Variants in GLT1D1 observed in about 807,000 individuals in gnomAD.
The protein encoded by GLT1D1 is glycosyltransferase 1 domain-containing protein 1.
A neutral mutation model predicts 28.7 loss-of-function variants in GLT1D1; 21 were observed. The observed-to-expected ratio is 0.73, with a 90% confidence interval of 0.52 to 1.05. The LOEUF (loss-of-function observed/expected upper bound fraction) is 1.05. Among genes scored for constraint, GLT1D1 ranks in the 50% least tolerant of loss-of-function variants. GLT1D1 has a pLI of 0.00. For missense variants in GLT1D1, 343 were observed against 330.6 expected (o/e 1.04, Z -0.29); for synonymous variants, 147 against 124.8 (o/e 1.18, Z -1.19).
In GLT1D1 at chr12:128,940,355, G is replaced by A. The variant is rs28449380; in HGVS notation, c.376-4971G>A. Among the ~76,000 whole-genome samples the A allele has an allele frequency of 6.5e-3, 988 of 152,256 alleles. 11 individuals carry two copies. The highest frequency in any genetic ancestry group is 0.023 in the African/African-American group (938 of 41,550). On this transcript the variant is annotated intron_variant, in intron 4 of 7. Coordinates refer to ENST00000281703, the MANE Select transcript of GLT1D1 (RefSeq NM_144669.3). ...GGCTGAATGTGAATACAGGCTCAGC[G>A]CTTCATGTCTTCTCAGTCATTTACT...
At chr12:128,871,757 T>C (rs538666858) in intron 1 of GLT1D1, among the ~76,000 whole-genome samples, 198 of 152,290 alleles carry the variant, frequency 1.3e-3, no homozygotes, top group Non-Finnish European at 2.0e-3. Context: ...GTTTTACTCA[T>C]GATTTTGTGC....
intron 4 of GLT1D1, among the ~76,000 whole-genome samples, chr12:128,904,623 C>CTTTTTTTTTT (rs59189244): frequency 1.4e-5 from 2 of 139,286 alleles, no homozygotes; most frequent in Non-Finnish European, 3.0e-5. Context: ...TGAAAACAGT[C>CTTTTTTTTTT]TTTTTTTTTT....
chr12:128,952,484 T>TTTTTTTG (rs1876805774), intron 6 of GLT1D1, among the ~76,000 whole-genome samples: 1 of 150,338 alleles, frequency 6.7e-6, no homozygotes. Context: ...TTTTTTTTTT[T>TTTTTTTG]GAGATGAAGT....
At chr12:128,954,463 A>G (rs1877069655) in intron 6 of GLT1D1, among the ~76,000 whole-genome samples, 1 of 152,020 alleles carries the variant, frequency 6.6e-6, no homozygotes, top group Admixed American at 6.6e-5. Context: ...AATTTGCTTT[A>G]TCTCGAGGTC....
chr12:128,945,968 T>C (rs976664015), intron 5 of GLT1D1, among the ~76,000 whole-genome samples: 1 of 152,172 alleles, frequency 6.6e-6, no homozygotes, highest in African/African-American at 2.4e-5. Flanking sequence ...TGGGTCTTAT[T>C]TGGGTCAGCC....
intron 2 of GLT1D1, among the ~76,000 whole-genome samples, chr12:128,887,507 AC>A (rs1868537831): frequency 2.6e-5 from 4 of 151,302 alleles, no homozygotes; most frequent in African/African-American, 9.7e-5. Flanking sequence ...ACACACACAC[AC>A]ACACACACAC....
intron 1 of GLT1D1, among the ~76,000 whole-genome samples, chr12:128,861,937 C>T (rs1182902879): frequency 6.6e-6 from 1 of 152,194 alleles, no homozygotes; most frequent in Admixed American, 6.5e-5. Context: ...AGTGTGAATG[C>T]AGATGAAGTT....
At chr12:128,854,529 G>C (rs1956163603) in intron 1 of GLT1D1, among the ~76,000 whole-genome samples, 1 of 151,220 alleles carries the variant, frequency 6.6e-6, no homozygotes. Context: ...ATGGAGTCTC[G>C]CTGTGTCACC....
intron 4 of GLT1D1, among the ~76,000 whole-genome samples, chr12:128,940,889 C>T (rs2135479117): frequency 6.6e-6 from 1 of 152,288 alleles, no homozygotes; most frequent in Non-Finnish European, 1.5e-5. Context: ...ACCATCACAC[C>T]TATCTCATTC....
chr12:128,867,333 G>C (rs1956559840), intron 1 of GLT1D1, among the ~76,000 whole-genome samples: 1 of 144,784 alleles, frequency 6.9e-6, no homozygotes, highest in African/African-American at 2.6e-5. Flanking sequence ...GGAGGCAGAG[G>C]TTGCAGTGAG....
rs142380093 is a variant in GLT1D1 at position 128,912,186 on chromosome 12, T to G, written c.375+12899T>G. Among the ~76,000 whole-genome samples, 627 of 152,288 alleles carry G rather than the reference T, an allele frequency of 4.1e-3. 3 individuals carry two copies. Among genetic ancestry groups the G allele is most frequent in the African/African-American group, 0.014 (592 of 41,566 alleles). On this transcript the variant is annotated intron_variant, in intron 4 of 7. Coordinates refer to ENST00000281703, the MANE Select transcript of GLT1D1 (RefSeq NM_144669.3). ...CATTAGGCCTCATTTAAGAGACTTT[T>G]TGTGTGTGTGCTTCTTACCTTATAG...
At chr12:128,872,529 G>A (rs1427430310) in intron 1 of GLT1D1, among the ~76,000 whole-genome samples, 1 of 152,142 alleles carries the variant, frequency 6.6e-6, no homozygotes, top group Non-Finnish European at 1.5e-5. Flanking sequence ...GTGGGAGGGT[G>A]GTTGGAGTGG....
chr12:128,924,350 C>T (rs1025280355), intron 4 of GLT1D1, among the ~76,000 whole-genome samples: 1 of 149,646 alleles, frequency 6.7e-6, no homozygotes, highest in African/African-American at 2.5e-5. Context: ...TTGCTTGAAC[C>T]GGGGAGGTGG....
chr12:128,947,401 T>C lies in GLT1D1; in HGVS notation c.483T>C (p.Asn161=). 1.2e-6 allele frequency: 2 copies of C among 1,614,122 alleles called. No homozygotes were observed. Among genetic ancestry groups the C allele is most frequent in the Non-Finnish European group, 1.7e-6 (2 of 1,179,994 alleles). ...AAGATCTGCACGCGGTGGTGAAGAA[T>C]TGCTTCGCGGTGGTGAATAGCTCTG... The change falls in exon 6 of 8, where the codon AAT becomes AAC. Residue 161 remains asparagine, a synonymous_variant. Coordinates refer to ENST00000281703, the MANE Select transcript of GLT1D1 (RefSeq NM_144669.3).
chr12:128,972,043 G>C (rs1243179076), intron 7 of GLT1D1, among the ~76,000 whole-genome samples: 1 of 151,708 alleles, frequency 6.6e-6, no homozygotes, highest in Non-Finnish European at 1.5e-5. Context: ...CCCTCTCCAG[G>C]GTCGCTGCCA....
chr12:128,891,689 A>G (rs993851379), intron 3 of GLT1D1, among the ~76,000 whole-genome samples: 4 of 152,126 alleles, frequency 2.6e-5, no homozygotes, highest in African/African-American at 9.7e-5. Context: ...TTGGTAATGT[A>G]GGTGTCAGTC....
intron 7 of GLT1D1, among the ~76,000 whole-genome samples, chr12:128,959,462 G>C (rs1326215320): frequency 1.6e-5 from 2 of 122,756 alleles, no homozygotes; most frequent in East Asian, 6.0e-4. Context: ...GGCGGGTGGT[G>C]GGGGGGCAGC....
chr12:128,858,597 A>AG (rs1956283913), intron 1 of GLT1D1, among the ~76,000 whole-genome samples: 4 of 152,010 alleles, frequency 2.6e-5, no homozygotes, highest in African/African-American at 9.6e-5. Flanking sequence ...GCTTGAACCC[A>AG]GAAGCAGAGG....
At chr12:128,855,551 T>C (rs186007097) in intron 1 of GLT1D1, among the ~76,000 whole-genome samples, 22 of 152,004 alleles carry the variant, frequency 1.4e-4, no homozygotes, top group Admixed American at 1.3e-3. Context: ...GGGTGGCAGA[T>C]CAAAACTCTA....
Sources: allele counts gnomAD v4.1 joint callset (sites outside exome capture counted in the v4.1 genomes callset), GRCh38; gene constraint gnomAD v4.1.1; transcripts MANE v1.5; gene names NCBI Gene and HGNC (gene_info 2026-07-23, HGNC 2026-07-21).